The following MAN2C1 variants were observed in gnomAD, a reference collection of about 807,000 sequenced individuals.
The protein encoded by MAN2C1 is mannosidase alpha class 2C member 1.
Under a neutral mutation model 126.9 loss-of-function variants are expected in MAN2C1, and 111 were observed. The observed-to-expected ratio is 0.87, with a 90% confidence interval of 0.75 to 1.02. MAN2C1 has a LOEUF of 1.02. Among genes scored for constraint, MAN2C1 ranks in the 50% least tolerant of loss-of-function variants. The pLI, the probability that MAN2C1 is intolerant of heterozygous loss-of-function variation, is 0.00. For missense variants in MAN2C1, 1,363 were observed against 1,364.4 expected (o/e 1.00, Z 0.02); for synonymous variants, 567 against 561.5 (o/e 1.01, Z -0.14).
intron 13 of MAN2C1, 96 bp from the exon 14 acceptor site, chr15:75,360,307 C>G (rs1193790316): frequency 1.3e-6 from 2 of 1,527,776 alleles, no homozygotes; most frequent in East Asian, 2.3e-5. Context: ...GAGGACTCAC[C>G]AAGGGCCTCG....
At position 75,362,282 on chromosome 15, in the gene MAN2C1, GCTAC is replaced by G. The variant is rs2072485764; in HGVS notation, c.1008+57_1008+60del. ...TCACCAGCAAAGCCGGGAGGGCGGG[GCTAC>G]CTGAGGGAAGGCTGTTGTCATACAG... is the stretch of plus-strand genomic sequence containing the variant. On this transcript the variant is annotated intron_variant, in intron 8 of 25. Coordinates refer to ENST00000267978, the MANE Select transcript of MAN2C1 (RefSeq NM_006715.4). This position sits in a 1 kb window ranked among gnomAD's most constrained non-coding sequence, Gnocchi z 4.5. 1 of 1,465,078 alleles carries G rather than the reference GCTAC, an allele frequency of 6.8e-7. No homozygotes were observed. The highest frequency in any genetic ancestry group is 1.4e-5 in the African/African-American group (1 of 71,718). The allele number at this position is 1,465,078 out of a possible 1,614,324, so 90.8% of individuals were successfully genotyped here.
chr15:75,362,312 T>C lies in MAN2C1; in HGVS notation c.1008+31A>G. On this transcript the variant is annotated intron_variant, in intron 8 of 25. Coordinates refer to ENST00000267978, the MANE Select transcript of MAN2C1 (RefSeq NM_006715.4). This position sits in a 1 kb window ranked among gnomAD's most constrained non-coding sequence, Gnocchi z 4.5. Reference sequence around the variant, plus strand: ...CTGAGGGAAGGCTGTTGTCATACAGTTCAAGGCTGAGGAGTGCCCAGTGCA... The same window carrying C: ...CTGAGGGAAGGCTGTTGTCATACAGCTCAAGGCTGAGGAGTGCCCAGTGCA... 1 of 1,592,722 alleles carries C rather than the reference T, an allele frequency of 6.3e-7. No individual in the cohort carries two copies. The highest frequency in any genetic ancestry group is 1.1e-5 in the South Asian group (1 of 90,538).
chr15:75,358,730 G>C lies in MAN2C1; in HGVS notation c.2220C>G (p.Asp740Glu), dbSNP rs376793963. Residue 740 changes from aspartate (D) to glutamate (E), a missense_variant, in exon 19 of 26, where the codon GAC becomes GAG. Asp to Glu is a conservative substitution (Grantham distance 45). Coordinates refer to ENST00000267978, the MANE Select transcript of MAN2C1 (RefSeq NM_006715.4). ...GTGTCTCCAGGTGGTAGTCCATGAC[G>C]TCCCATGCATCCCAGTACAAGGGGA... ...DDVPLYWDAW[D>E]VMDYHLETRK... 1.7e-6 allele frequency: 2 copies of C among 1,206,924 alleles called. No individual in the cohort carries two copies. Among genetic ancestry groups the C allele is most frequent in the South Asian group, 2.5e-5 (2 of 81,600 alleles). 74.8% of individuals were successfully genotyped at this position (1,206,924 alleles called of 1,614,324 possible).
Position 75,356,889 on chromosome 15 carries a change from C to CGAT in MAN2C1, c.2558_2560dup (p.His853dup). Reference sequence around the variant, plus strand: ...GCCGTGTTCTGACAGATCCATCCAGCGATGGGCCCACACCTGGAGGGCAGA... The same window carrying CGAT: ...GCCGTGTTCTGACAGATCCATCCAGCGATGATGGGCCCACACCTGGAGGGCAGA... On this transcript the variant is annotated inframe_insertion, in exon 22 of 26. Coordinates refer to ENST00000267978, the MANE Select transcript of MAN2C1 (RefSeq NM_006715.4). The surrounding 1 kb of genome is among the most constrained non-coding windows in gnomAD (Gnocchi z 5.8). The CGAT allele has an allele frequency of 6.2e-7, 1 of 1,614,016 alleles. No homozygotes were observed. The highest frequency in any genetic ancestry group is 8.5e-7 in the Non-Finnish European group (1 of 1,179,952).
chr15:75,359,108 G>C lies in MAN2C1; in HGVS notation c.2092C>G (p.Leu698Val). 1.2e-6 allele frequency: 2 copies of C among 1,614,038 alleles called. No homozygotes were observed. The highest frequency in any genetic ancestry group is 1.7e-6 in the Non-Finnish European group (2 of 1,180,034). Residue 698 changes from leucine (L) to valine (V), a missense_variant, in exon 18 of 26, where the codon CTG becomes GTG. This residue lies in a region of MAN2C1 where 668 missense variants were observed against 650.1 expected (regional missense o/e 1.03). Coordinates refer to ENST00000267978, the MANE Select transcript of MAN2C1 (RefSeq NM_006715.4). Reference protein sequence around the residue: ...TLDNGIIRVKLDPTGRLTSLV... With the variant: ...TLDNGIIRVKVDPTGRLTSLV... ...GACGTCAGGCGACCAGTTGGGTCCA[G>C]CTTCACTCGGATGATGCCATTGTCC...
At position 75,361,701 on chromosome 15, in the gene MAN2C1, A is replaced by C; in HGVS notation, c.1121T>G (p.Phe374Cys). The C allele has an allele frequency of 6.2e-7, 1 of 1,613,968 alleles. No individual in the cohort carries two copies. Among genetic ancestry groups the C allele is most frequent in the Non-Finnish European group, 8.5e-7 (1 of 1,179,998 alleles). Residue 374 changes from phenylalanine to cysteine, a missense_variant, in exon 10 of 26, where the codon TTT becomes TGT. By Grantham distance (205) the Phe-to-Cys change is radical. Transcript: ENST00000267978. The surrounding 1 kb of genome is among the most constrained non-coding windows in gnomAD (Gnocchi z 5.0). Reference protein sequence around the residue: ...MCSEFWLPDTFGYSAQLPQIM... With the variant: ...MCSEFWLPDTCGYSAQLPQIM... ...CTGGGGGAGCTGTGCTGAGTAGCCA[A>C]AGGTGTCCGGCAGCCAGAACTGTGG...
At position 75,361,235 on chromosome 15, in the gene MAN2C1, G is replaced by A. The variant is rs1370883223; in HGVS notation, c.1315-44C>T. ...GCCAGCATGGATCAGCCTGGAACAA[G>A]CCAGCCCTCTCCAGCCTGCCCCTAC... On this transcript the variant is annotated intron_variant, in intron 11 of 25. Coordinates refer to ENST00000267978, the MANE Select transcript of MAN2C1 (RefSeq NM_006715.4). The surrounding 1 kb of genome is among the most constrained non-coding windows in gnomAD (Gnocchi z 5.0). The A allele has an allele frequency of 6.3e-7, 1 of 1,597,442 alleles. No homozygotes were observed. Among genetic ancestry groups the A allele is most frequent in the African/African-American group, 1.3e-5 (1 of 74,840 alleles).
In MAN2C1 at chr15:75,367,542, C is replaced by T; in HGVS notation, c.320G>A (p.Gly107Asp). ...AGGTTCTCCATCACGCCACACCAGACCTTCTCCATCACTTTCCCAGCAAAG... is the reference window on the plus strand; with the variant it reads ...AGGTTCTCCATCACGCCACACCAGATCTTCTCCATCACTTTCCCAGCAAAG... ...VHLCWESDGEGLVWRDGEPVQ... is the reference protein window; with the variant it reads ...VHLCWESDGEDLVWRDGEPVQ... Residue 107 changes from glycine (G) to aspartate (D), a missense_variant, in exon 3 of 26, where the codon GGT (glycine) becomes GAT (aspartate). Physicochemically the swap from Gly to Asp is moderately conservative, Grantham distance 94 (BLOSUM62 -1). Coordinates refer to ENST00000267978, the MANE Select transcript of MAN2C1 (RefSeq NM_006715.4). 3.1e-6 allele frequency: 5 copies of T among 1,614,202 alleles called. No homozygotes were observed. The highest frequency in any genetic ancestry group is 4.2e-6 in the Non-Finnish European group (5 of 1,180,030).
At chr15:75,367,680 C>T (rs1434999116) in intron 2 of MAN2C1, 46 bp from the exon 3 acceptor site, 1 of 1,607,672 alleles carries the variant, frequency 6.2e-7, no homozygotes, top group Admixed American at 1.7e-5. Context: ...AAGTCCTATC[C>T]TGATATCCTT....
At chr15:75,368,365 GCCCGCGGCGGGCACTTTGT>G (rs2072633205) in intron 1 of MAN2C1, 99 bp downstream of exon 1, 5 of 1,384,810 alleles carry the variant, frequency 3.6e-6, no homozygotes, top group Non-Finnish European at 4.9e-6. Context: ...CCCCTGCCCT[GCCCGCGGCGGGCACTTTGT>G]CCCGCGGCCC....
In MAN2C1 at chr15:75,364,070, C is replaced by T; in HGVS notation, c.719G>A (p.Arg240Lys). ...TTCACCCCCATGTTGGCCAAAGAAC[C>T]TGGAGGCCAGGGCCTGGGCCACTGG... ...TFPVAQALAS[R>K]FFGQHGGESQ... The change falls in exon 6 of 26, where the codon AGG becomes AAG. Residue 240 changes from arginine to lysine, a missense_variant. Physicochemically the swap from Arg to Lys is conservative, Grantham distance 26. Around this residue, in one of 3 missense-constraint regions of MAN2C1, gnomAD observed 628 missense variants for 609.8 expected, o/e 1.03. Transcript: ENST00000267978. 6.2e-7 allele frequency: 1 copy of T among 1,614,204 alleles called. No individual in the cohort carries two copies. Among genetic ancestry groups the T allele is most frequent in the Non-Finnish European group, 8.5e-7 (1 of 1,180,016 alleles).
intron 5 of MAN2C1, 63 bp downstream of exon 5, chr15:75,364,425 A>T: frequency 1.4e-6 from 2 of 1,464,256 alleles, no homozygotes; most frequent in Non-Finnish European, 1.8e-6. Context: ...ATCTGACCCA[A>T]AGAACAACCT....
In MAN2C1 at chr15:75,361,011, G is replaced by C. The variant is rs778159837; in HGVS notation, c.1460+35C>G. The C allele has an allele frequency of 2.5e-6, 4 of 1,590,628 alleles. No individual in the cohort carries two copies. In the African/African-American group the frequency reaches 5.4e-5, roughly 21 times the overall value. On this transcript the variant is annotated intron_variant, in intron 12 of 25. Coordinates refer to ENST00000267978, the MANE Select transcript of MAN2C1 (RefSeq NM_006715.4). This position sits in a 1 kb window ranked among gnomAD's most constrained non-coding sequence, Gnocchi z 5.0. ...GGCAGGGCTCATGGCAAGGGCCCAG[G>C]GTGGGGCTAAAGGAGAGCCAAGGCC...
In MAN2C1 at chr15:75,359,640, G is replaced by T. The variant is rs78610801; in HGVS notation, c.1928C>A (p.Pro643Gln). Reference protein sequence around the residue: ...KRIEVMALPKPGGAHSLALVT... With the variant: ...KRIEVMALPKQGGAHSLALVT... ...CGTACCTAGGCTGTGGGCCCCGCCC[G>T]GTTTGGGCAGGGCCATCACTTCGAT... The change falls in exon 16 of 26, where the codon CCG becomes CAG. Residue 643 changes from proline (P) to glutamine (Q), a missense_variant. By Grantham distance (76) the Pro-to-Gln change is moderately conservative. This residue lies in a region of MAN2C1 where 668 missense variants were observed against 650.1 expected (regional missense o/e 1.03). Coordinates refer to ENST00000267978, the MANE Select transcript of MAN2C1 (RefSeq NM_006715.4). 6.2e-7 allele frequency: 1 copy of T among 1,614,074 alleles called. No homozygotes were observed. Among genetic ancestry groups the T allele is most frequent in the Admixed American group, 1.7e-5 (1 of 60,026 alleles).
intron 21 of MAN2C1, 55 bp downstream of exon 21, chr15:75,358,146 C>T (rs2072375661): frequency 1.2e-6 from 2 of 1,600,696 alleles, no homozygotes; most frequent in Non-Finnish European, 1.7e-6. Flanking sequence ...TCCACACAAG[C>T]AGTCTCCCCA....
In MAN2C1 at chr15:75,366,506, G is replaced by A. The variant is rs777291187; in HGVS notation, c.422+16C>T. 1 of 1,611,972 alleles carries A rather than the reference G, an allele frequency of 6.2e-7. No homozygotes were observed. Among genetic ancestry groups the A allele is most frequent in the Non-Finnish European group, 8.5e-7 (1 of 1,178,782 alleles). On this transcript the variant is annotated intron_variant, in intron 4 of 25. Coordinates refer to ENST00000267978, the MANE Select transcript of MAN2C1 (RefSeq NM_006715.4). ...CCTCCCTGACAGCACTGGTCAACCA[G>A]GGCACAGGGACTCACCTTCGGGGGT...
intron 4 of MAN2C1, chr15:75,365,995 G>T: frequency 2.4e-6 from 1 of 416,754 alleles, no homozygotes; most frequent in Non-Finnish European, 4.8e-6. Context: ...GCTGAGGCAT[G>T]AGAATCGCTT....
intron 21 of MAN2C1, 180 bp from the exon 22 acceptor site, chr15:75,357,082 T>C (rs1595873752): frequency 1.7e-6 from 1 of 598,356 alleles, no homozygotes; most frequent in East Asian, 2.8e-5. Flanking sequence ...TTTCCTTATC[T>C]GTGAAACGGG....
chr15:75,361,578 C>T lies in MAN2C1; in HGVS notation c.1218+26G>A. 3 of 1,580,288 alleles carry T rather than the reference C, an allele frequency of 1.9e-6. No individual in the cohort carries two copies. The highest frequency in any genetic ancestry group is 2.6e-6 in the Non-Finnish European group (3 of 1,149,572). On this transcript the variant is annotated intron_variant, in intron 10 of 25. Transcript: ENST00000267978. The surrounding 1 kb of genome is among the most constrained non-coding windows in gnomAD (Gnocchi z 5.0). ...CAGGCGGGACTGAGGCCCACTCTGACCCTGACCCCCCGGGGGCCTGCTTAC... is the reference window on the plus strand; with the variant it reads ...CAGGCGGGACTGAGGCCCACTCTGATCCTGACCCCCCGGGGGCCTGCTTAC...
Sources: allele counts gnomAD v4.1 joint callset, GRCh38; gene constraint gnomAD v4.1.1; regional missense constraint gnomAD v4.1.1; non-coding constraint Gnocchi (gnomAD v3.1); transcripts MANE v1.5; gene names NCBI Gene and HGNC (gene_info 2026-07-23, HGNC 2026-07-21).